The following ZNF735 variants were observed in gnomAD, a reference collection of about 807,000 sequenced individuals.
ZNF735 encodes the protein putative zinc finger protein 735.
In ZNF735, 11 loss-of-function variants were observed where a neutral mutation model predicts 13.4. That is an observed-to-expected ratio of 0.82 (90% CI 0.52 to 1.36). The LOEUF (loss-of-function observed/expected upper bound fraction) is 1.36. Ranked by LOEUF, ZNF735 falls within the 40% of genes most tolerant of loss-of-function variation. The pLI, the probability that ZNF735 is intolerant of heterozygous loss-of-function variation, is 0.00. For missense variants in ZNF735, 500 were observed against 484.6 expected (o/e 1.03, Z -0.30); for synonymous variants, 171 against 162.6 (o/e 1.05, Z -0.39).
chr7:64,220,254 A>G lies in ZNF735; in HGVS notation c.1203A>G (p.Ile401Met), dbSNP rs779758676. 4 of 1,612,184 alleles carry G rather than the reference A, an allele frequency of 2.5e-6. No individual in the cohort carries two copies. The African/African-American group carries it at 5.3e-5, about 22-fold the overall frequency. ...ATTCAAGTCTTGCTAAACATAAGAT[A>G]ATTCACACTGGAGAGAAACCCTACA... Residue 401 changes from isoleucine to methionine, a missense_variant, in exon 4 of 4, where the codon ATA (isoleucine) becomes ATG (methionine). Physicochemically the swap from Ile to Met is conservative, Grantham distance 10 (BLOSUM62 1). Coordinates refer to ENST00000429565, the Ensembl canonical transcript of ZNF735.
At chr7:64,213,313 A>G (rs13233809) in intron 2 of ZNF735, 95 bp downstream of exon 2, 456,822 of 1,267,086 alleles carry the variant, frequency 0.36, 82,410 homozygotes, top group African/African-American at 0.41. Flanking sequence ...AATGAATTTT[A>G]GCTCTCCGAT....
exon 4 of ZNF735, chr7:64,219,814 A>C: frequency 3.7e-6 from 6 of 1,613,252 alleles, no homozygotes; most frequent in Non-Finnish European, 5.1e-6. Flanking sequence ...GTGGCCCTCA[A>C]ACCTTACTAG....
At chr7:64,210,933 A>T (rs1787352887) in intron 1 of ZNF735, among the ~76,000 whole-genome samples, 2 of 152,164 alleles carry the variant, frequency 1.3e-5, no homozygotes, top group Admixed American at 1.3e-4. Context: ...TACATTTCAG[A>T]GAAAGAGGAG....
At chr7:64,211,881 A>G (rs1435285130) in intron 1 of ZNF735, among the ~76,000 whole-genome samples, 1 of 84,802 alleles carries the variant, frequency 1.2e-5, no homozygotes, top group Non-Finnish European at 2.4e-5. Context: ...AAAAAGAAAA[A>G]AGAAAAAAAA....
chr7:64,211,668 C>T (rs1054547878), intron 1 of ZNF735, among the ~76,000 whole-genome samples: 7 of 151,166 alleles, frequency 4.6e-5, no homozygotes, highest in Non-Finnish European at 7.4e-5. Context: ...GTTCGAGGCC[C>T]GCCTGGCCAA....
intron 2 of ZNF735, 101 bp from the exon 3 acceptor site, chr7:64,213,912 T>A: frequency 8.8e-7 from 1 of 1,134,984 alleles, no homozygotes; most frequent in Non-Finnish European, 1.2e-6. Flanking sequence ...TGAGCTGAGA[T>A]CATGCCACTG....
intron 1 of ZNF735, among the ~76,000 whole-genome samples, chr7:64,209,617 G>A (rs576495291): frequency 1.3e-5 from 2 of 152,216 alleles, no homozygotes; most frequent in South Asian, 4.1e-4. Flanking sequence ...GAGCCGCAGT[G>A]CATGGCCTGT....
intron 1 of ZNF735, among the ~76,000 whole-genome samples, chr7:64,211,475 G>A (rs1188978962): frequency 6.6e-6 from 1 of 152,096 alleles, no homozygotes; most frequent in Non-Finnish European, 1.5e-5. Context: ...GCTCTCCAGG[G>A]TGCTAAACAA....
At chr7:64,213,030 A>G (rs1393819535) in intron 1 of ZNF735, 62 bp from the exon 2 acceptor site, 1 of 1,517,976 alleles carries the variant, frequency 6.6e-7, no homozygotes, top group Non-Finnish European at 8.9e-7. Flanking sequence ...GTCAAATAAA[A>G]ATCTCTGCTT....
At chr7:64,219,610 T>C (rs1787462915) in exon 4 of ZNF735, 3 of 1,575,896 alleles carry the variant, frequency 1.9e-6, no homozygotes, top group East Asian at 2.3e-5. Flanking sequence ...ACATTTGAAA[T>C]GTAAAAAATA....
At chr7:64,217,403 T>C (rs953245533) in intron 3 of ZNF735, among the ~76,000 whole-genome samples, 4 of 152,206 alleles carry the variant, frequency 2.6e-5, no homozygotes, top group Non-Finnish European at 5.9e-5. Flanking sequence ...CATTGTTTTC[T>C]CAGGTTGTTT....
At chr7:64,218,586 T>C (rs1787448693) in intron 3 of ZNF735, among the ~76,000 whole-genome samples, 1 of 152,098 alleles carries the variant, frequency 6.6e-6, no homozygotes, top group Non-Finnish European at 1.5e-5. Context: ...GAGCAAAATA[T>C]GGATTATCTT....
chr7:64,220,167 G>A, exon 4 of ZNF735: 1 of 1,613,144 alleles, frequency 6.2e-7, no homozygotes, highest in Non-Finnish European at 8.5e-7. Context: ...AGGCACATAA[G>A]AGAATTCATA....
chr7:64,219,679 G>C, exon 4 of ZNF735: 1 of 1,587,206 alleles, frequency 6.3e-7, no homozygotes, highest in Non-Finnish European at 8.6e-7. Flanking sequence ...TCATACTAAG[G>C]AGAAGTCCTA....
At chr7:64,209,398 G>A (rs1787331468) in intron 1 of ZNF735, among the ~76,000 whole-genome samples, 1 of 150,688 alleles carries the variant, frequency 6.6e-6, no homozygotes, top group African/African-American at 2.4e-5. Flanking sequence ...CCAGGCTGGA[G>A]TGCAGTGGCG....
intron 1 of ZNF735, 99 bp from the exon 2 acceptor site, chr7:64,212,992 CT>C (rs1315800634): frequency 1.6e-6 from 2 of 1,287,412 alleles, no homozygotes; most frequent in African/African-American, 3.0e-5. Context: ...GTGAGAAACA[CT>C]TCTTTTTACT....
exon 4 of ZNF735, chr7:64,219,819 T>C (rs896516799): frequency 5.0e-6 from 8 of 1,612,854 alleles, no homozygotes; most frequent in Non-Finnish European, 6.8e-6. Flanking sequence ...CCTCAAACCT[T>C]ACTAGACATA....
chr7:64,213,919 A>G, intron 2 of ZNF735, 94 bp from the exon 3 acceptor site: 1 of 1,195,122 alleles, frequency 8.4e-7, no homozygotes, highest in East Asian at 3.3e-5. Context: ...AGATCATGCC[A>G]CTGCACTCCA....
intron 3 of ZNF735, among the ~76,000 whole-genome samples, chr7:64,217,877 C>A (rs1787441169): frequency 6.6e-6 from 1 of 152,016 alleles, no homozygotes; most frequent in Non-Finnish European, 1.5e-5. Flanking sequence ...GTGCTTCTTA[C>A]TGATCTTGCT....
Sources: allele counts gnomAD v4.1 joint callset (sites outside exome capture counted in the v4.1 genomes callset), GRCh38; gene constraint gnomAD v4.1.1; transcripts MANE v1.5; gene names NCBI Gene and HGNC (gene_info 2026-07-23, HGNC 2026-07-21).